Variants in NEK11 observed in about 807,000 individuals in gnomAD.
NEK11 encodes the protein serine/threonine-protein kinase Nek11.
NEK11 carries 72 observed loss-of-function variants against 80.7 expected under a neutral mutation model. The ratio of observed to expected loss-of-function variants is 0.89; its 90% CI spans 0.74 to 1.08. NEK11 has a LOEUF of 1.08. NEK11 is among the 50% of genes least tolerant of loss of function. The pLI is 0.00. For synonymous variants in NEK11, 251 were observed against 260.7 expected, an observed-to-expected ratio of 0.96 and a Z score of 0.36; for missense variants, 764 against 763.6, an observed-to-expected ratio of 1.00 and a Z score of -0.01.
intron 14 of NEK11, among the ~76,000 whole-genome samples, chr3:131,214,217 A>G (rs149261783): frequency 1.3e-5 from 2 of 152,352 alleles, no homozygotes; most frequent in East Asian, 3.9e-4. Flanking sequence ...TCCTTGTCGT[A>G]AATTTGTAAG....
intron 16 of NEK11, among the ~76,000 whole-genome samples, chr3:131,256,678 G>A (rs933635136): frequency 5.3e-5 from 8 of 152,080 alleles, no homozygotes; most frequent in Admixed American, 1.3e-4. Flanking sequence ...TTAGGAGGGC[G>A]TAACTGGATG....
chr3:131,273,462 G>T lies in NEK11; in HGVS notation c.1622-16G>T, dbSNP rs1398680508. On this transcript the variant is annotated splice_polypyrimidine_tract_variant and intron_variant, in intron 16 of 17. Transcript: ENST00000383366. Reference sequence around the variant, plus strand: ...ATTGCTGATGAAGTCAATAAGGGCTGTGCATTGATTTTCAGACACAAAGAC... The same window carrying T: ...ATTGCTGATGAAGTCAATAAGGGCTTTGCATTGATTTTCAGACACAAAGAC... 6.2e-7 allele frequency: 1 copy of T among 1,603,784 alleles called. No individual in the cohort carries two copies. Among genetic ancestry groups the T allele is most frequent in the Non-Finnish European group, 8.5e-7 (1 of 1,170,782 alleles).
chr3:131,214,487 G>A (rs1478098407), intron 14 of NEK11, among the ~76,000 whole-genome samples: 1 of 152,126 alleles, frequency 6.6e-6, no homozygotes, highest in East Asian at 1.9e-4. Context: ...TCATTTCTCT[G>A]AATTTGGGGG....
intron 14 of NEK11, among the ~76,000 whole-genome samples, chr3:131,217,525 G>A (rs1436166435): frequency 1.3e-5 from 2 of 152,172 alleles, no homozygotes; most frequent in East Asian, 1.9e-4. Flanking sequence ...TCAAAGAAAT[G>A]TGTCCTTAGG....
intron 14 of NEK11, among the ~76,000 whole-genome samples, chr3:131,177,085 G>C (rs1458986497): frequency 6.6e-6 from 1 of 152,134 alleles, no homozygotes; most frequent in Non-Finnish European, 1.5e-5. Flanking sequence ...ACCACGGTAT[G>C]GTTTTCCTTT....
intron 17 of NEK11, among the ~76,000 whole-genome samples, chr3:131,314,130 A>AGAGTGTGTGTGTGTGTGT (rs2096810389): frequency 6.7e-6 from 1 of 149,224 alleles, no homozygotes; most frequent in African/African-American, 2.5e-5. Context: ...GGAGAAAAAG[A>AGAGTGTGTGTGTGTGTGT]GTGTGTGTGT....
intron 16 of NEK11, among the ~76,000 whole-genome samples, chr3:131,257,211 G>T (rs2108402429): frequency 6.6e-6 from 1 of 151,218 alleles, no homozygotes; most frequent in East Asian, 2.0e-4. Context: ...GCTCAGGCTG[G>T]TCTTGAACCC....
At chr3:131,232,239 G>A (rs1233273825) in intron 15 of NEK11, among the ~76,000 whole-genome samples, 3 of 152,076 alleles carry the variant, frequency 2.0e-5, no homozygotes, top group East Asian at 3.8e-4. Context: ...GTCATAACAG[G>A]GTTCTCCACA....
intron 6 of NEK11, chr3:131,133,377 G>T (rs1046818137): frequency 2.1e-5 from 9 of 423,420 alleles, no homozygotes; most frequent in African/African-American, 4.2e-5. Context: ...AAAGCTGATA[G>T]ATTCAAATTT....
chr3:131,308,300 A>G (rs2096742406), intron 17 of NEK11, among the ~76,000 whole-genome samples: 1 of 152,230 alleles, frequency 6.6e-6, no homozygotes, highest in Admixed American at 6.5e-5. Context: ...TTCTTTAGGC[A>G]GTAGAATCTT....
At position 131,057,923 on chromosome 3, in the gene NEK11, T is replaced by C. The variant is rs2069927163; in HGVS notation, c.171-22500T>C. Among the ~76,000 whole-genome samples, 11 of 152,356 alleles carry C rather than the reference T, an allele frequency of 7.2e-5. No homozygotes were observed. In the South Asian group the frequency reaches 2.3e-3, roughly 32 times the overall value. ...TCCCATTTGTCAATTTTGGCTTTTG[T>C]TGCCATTGGTTTTGGTGTTTTAGAC... On this transcript the variant is annotated intron_variant, in intron 3 of 17. Transcript: ENST00000383366.
At chr3:131,271,348 A>C (rs566812856) in intron 16 of NEK11, among the ~76,000 whole-genome samples, 1 of 152,232 alleles carries the variant, frequency 6.6e-6, no homozygotes, top group Admixed American at 6.5e-5. Flanking sequence ...CCAAGGAAAG[A>C]TCAGAGACTT....
At chr3:131,166,686 G>C (rs1300221515) in intron 12 of NEK11, among the ~76,000 whole-genome samples, 4 of 152,156 alleles carry the variant, frequency 2.6e-5, no homozygotes, top group African/African-American at 9.7e-5. Flanking sequence ...TGTGGGATCT[G>C]TTGCAGGCTA....
chr3:131,206,703 G>A (rs1560965162), intron 14 of NEK11, among the ~76,000 whole-genome samples: 1 of 152,124 alleles, frequency 6.6e-6, no homozygotes, highest in African/African-American at 2.4e-5. Flanking sequence ...AAGTTCTAGG[G>A]TACATGTGCA....
At chr3:131,062,848 A>G (rs531431453) in intron 3 of NEK11, among the ~76,000 whole-genome samples, 3 of 152,258 alleles carry the variant, frequency 2.0e-5, no homozygotes, top group African/African-American at 4.8e-5. Flanking sequence ...CCAGGCTCCA[A>G]CCGATCCCCA....
intron 16 of NEK11, among the ~76,000 whole-genome samples, chr3:131,256,271 A>C (rs946865702): frequency 6.6e-6 from 1 of 152,160 alleles, no homozygotes; most frequent in Admixed American, 6.6e-5. Context: ...AAATACACTG[A>C]TTTGATTTTT....
intron 9 of NEK11, among the ~76,000 whole-genome samples, chr3:131,153,607 C>T (rs1288545146): frequency 6.6e-6 from 1 of 151,968 alleles, no homozygotes; most frequent in Non-Finnish European, 1.5e-5. Context: ...AATGGTCATC[C>T]ACTTTAAAAA....
At chr3:131,267,444 A>C (rs530073930) in intron 16 of NEK11, among the ~76,000 whole-genome samples, 1 of 152,254 alleles carries the variant, frequency 6.6e-6, no homozygotes, top group Non-Finnish European at 1.5e-5. Context: ...TCCCTCGCTT[A>C]TGAAGCTTAG....
intron 17 of NEK11, among the ~76,000 whole-genome samples, chr3:131,278,368 G>A (rs1200627263): frequency 6.6e-6 from 1 of 152,144 alleles, no homozygotes; most frequent in African/African-American, 2.4e-5. Context: ...GAATTTCCAT[G>A]TACATTTGAA....
Sources: allele counts gnomAD v4.1 joint callset (sites outside exome capture counted in the v4.1 genomes callset), GRCh38; gene constraint gnomAD v4.1.1; transcripts MANE v1.5; gene names NCBI Gene and HGNC (gene_info 2026-07-23, HGNC 2026-07-21).